Variants in RAPGEF6 observed in about 807,000 individuals in gnomAD.
RAPGEF6 encodes PDZ domain containing guanine nucleotide exchange factor (GEF) 2.
In RAPGEF6, 56 loss-of-function variants were observed where a neutral mutation model predicts 171.4. The ratio of observed to expected loss-of-function variants is 0.33; its 90% CI spans 0.26 to 0.41. The LOEUF (loss-of-function observed/expected upper bound fraction) is 0.41. Ranked by LOEUF, RAPGEF6 falls within the 10% of genes least tolerant of loss-of-function variation. The pLI is 1.00. For missense variants in RAPGEF6, 1,674 were observed against 1,921.4 expected (o/e 0.87, Z 2.41); for synonymous variants, 692 against 650.1 (o/e 1.06, Z -0.98).
In RAPGEF6 at chr5:131,498,568, GTTC is replaced by G. The variant is rs1561512891; in HGVS notation, c.1291_1293del (p.Glu431del). The G allele has an allele frequency of 1.9e-6, 3 of 1,613,720 alleles. No homozygotes were observed. Among genetic ancestry groups the G allele is most frequent in the Admixed American group, 3.3e-5 (2 of 59,988 alleles). ...ATATAAGTTGGATCCACGATGGAATGTTCTTCTATTAAATGCATTATGAGACGC... is the reference window on the plus strand; with the variant it reads ...ATATAAGTTGGATCCACGATGGAATGTTCTATTAAATGCATTATGAGACGC... On this transcript the variant is annotated inframe_deletion, in exon 12 of 28. Transcript: ENST00000509018.
intron 1 of RAPGEF6, among the ~76,000 whole-genome samples, chr5:131,630,296 A>G (rs1467007618): frequency 6.6e-6 from 1 of 152,236 alleles, no homozygotes; most frequent in East Asian, 1.9e-4. Context: ...AAGTATTTTT[A>G]AATTAAGGCA....
At chr5:131,598,068 A>G (rs1764006004) in intron 3 of RAPGEF6, among the ~76,000 whole-genome samples, 1 of 152,186 alleles carries the variant, frequency 6.6e-6, no homozygotes, top group Non-Finnish European at 1.5e-5. Context: ...CCAACAGAAA[A>G]AAAACCTGCT....
intron 1 of RAPGEF6, among the ~76,000 whole-genome samples, chr5:131,605,443 GTAAC>G (rs1252316447): frequency 1.3e-5 from 2 of 152,144 alleles, no homozygotes; most frequent in African/African-American, 4.8e-5. Context: ...GTATACATAT[GTAAC>G]TAACCTGCAC....
chr5:131,426,209 C>A lies in RAPGEF6; in HGVS notation c.*1057G>T, dbSNP rs773388977. 6.6e-6 allele frequency: 1 copy of A among 152,268 alleles called. No individual in the cohort carries two copies. The highest frequency in any genetic ancestry group is 1.5e-5 in the Non-Finnish European group (1 of 68,034). The allele number at this position is 152,268 out of a possible 1,614,324, so 9.4% of individuals were successfully genotyped here. A position where few individuals can be genotyped will look rare whatever the true frequency, so the allele number is the denominator to read the frequency against. On this transcript the variant is annotated 3_prime_UTR_variant, in exon 28 of 28. Coordinates refer to ENST00000509018, the MANE Select transcript of RAPGEF6 (RefSeq NM_016340.6). ...GCTGCAGGGTATGTCAGGTCAGACA[C>A]AACCTGGTGCTATGAGATGTGGGGG... is the stretch of plus-strand genomic sequence containing the variant.
At chr5:131,601,153 G>A (rs555769680) in intron 3 of RAPGEF6, among the ~76,000 whole-genome samples, 1 of 151,674 alleles carries the variant, frequency 6.6e-6, no homozygotes, top group South Asian at 2.1e-4. Flanking sequence ...GGAGGCCGAG[G>A]CGGGTGGATC....
At chr5:131,540,794 G>A (rs75759949) in intron 6 of RAPGEF6, among the ~76,000 whole-genome samples, 33 of 152,310 alleles carry the variant, frequency 2.2e-4, no homozygotes, top group Admixed American at 5.2e-4. Context: ...TGACCTTGGT[G>A]AAACCAAGAT....
intron 23 of RAPGEF6, 46 bp downstream of exon 23, chr5:131,442,303 T>G (rs1245351979): frequency 1.3e-6 from 2 of 1,520,570 alleles, no homozygotes; most frequent in African/African-American, 2.8e-5. Context: ...CTAACTCCCC[T>G]GGAAATTTCA....
chr5:131,438,459 T>C (rs969811257), intron 24 of RAPGEF6, among the ~76,000 whole-genome samples: 7 of 152,176 alleles, frequency 4.6e-5, no homozygotes, highest in African/African-American at 1.7e-4. Context: ...TCTGGAAGCT[T>C]CTCTCTCCTG....
rs1754613093 is a variant in RAPGEF6 at position 131,469,687 on chromosome 5, A to G, written c.2239+2900T>C. ...AATACTGGCTACCTTCTAAGTGGAA[A>G]GAAAAGTTGTGCTTACTACTTCATT... On this transcript the variant is annotated intron_variant, in intron 17 of 27. Coordinates refer to ENST00000509018, the MANE Select transcript of RAPGEF6 (RefSeq NM_016340.6). 3 of 735,614 alleles carry G rather than the reference A, an allele frequency of 4.1e-6. No individual in the cohort carries two copies. In the South Asian group the frequency reaches 8.1e-5, roughly 20 times the overall value. 45.6% of individuals were successfully genotyped at this position (735,614 alleles called of 1,614,324 possible).
chr5:131,578,462 T>A (rs1260834447), intron 4 of RAPGEF6, among the ~76,000 whole-genome samples: 2 of 152,184 alleles, frequency 1.3e-5, no homozygotes, highest in Non-Finnish European at 2.9e-5. Flanking sequence ...CCTGAGGAAC[T>A]TCTTTACTTT....
At chr5:131,619,046 A>G (rs959575483) in intron 1 of RAPGEF6, among the ~76,000 whole-genome samples, 5 of 141,788 alleles carry the variant, frequency 3.5e-5, no homozygotes, top group Non-Finnish European at 3.1e-5. Context: ...TCATGAAAGG[A>G]AAAAAAAAAA....
Position 131,635,111 on chromosome 5 carries a change from C to A in RAPGEF6, c.-81G>T. ...TCACACTAGGTAGCGGGTGCGGTAC[C>A]TTTCCCCCGCCCCAAGGAGGGAACT... On this transcript the variant is annotated 5_prime_UTR_variant, in exon 1 of 28. It adds an upstream start codon to the 5' untranslated region. Coordinates refer to ENST00000509018, the MANE Select transcript of RAPGEF6 (RefSeq NM_016340.6). 7.2e-7 allele frequency: 1 copy of A among 1,385,150 alleles called. No individual in the cohort carries two copies. Among genetic ancestry groups the A allele is most frequent in the Non-Finnish European group, 9.7e-7 (1 of 1,035,094 alleles). 85.8% of individuals were successfully genotyped at this position (1,385,150 alleles called of 1,614,324 possible). A position where few individuals can be genotyped will look rare whatever the true frequency, so the allele number is the denominator to read the frequency against.
At chr5:131,540,976 G>A (rs1760097686) in intron 6 of RAPGEF6, among the ~76,000 whole-genome samples, 2 of 152,066 alleles carry the variant, frequency 1.3e-5, no homozygotes, top group African/African-American at 2.4e-5. Flanking sequence ...GCAAGACTCC[G>A]TCTCAAAAAA....
At position 131,521,397 on chromosome 5, in the gene RAPGEF6, A is replaced by G; in HGVS notation, c.620T>C (p.Ile207Thr). Residue 207 changes from isoleucine (I) to threonine (T), a missense_variant, in exon 7 of 28, where the codon ATC becomes ACC. Physicochemically the swap from Ile to Thr is moderately conservative, Grantham distance 89. Coordinates refer to ENST00000509018, the MANE Select transcript of RAPGEF6 (RefSeq NM_016340.6). ...AAATTCCTAAGGTATTACCTGATAG[A>G]TATCAGATAAACTGCTGCTTCCAGA... is the stretch of plus-strand genomic sequence containing the variant. ...SDSGSSSLSDIYQATESEVGD... is the reference protein window; with the variant it reads ...SDSGSSSLSDTYQATESEVGD... The G allele has an allele frequency of 1.9e-6, 3 of 1,606,740 alleles. No individual in the cohort carries two copies. The highest frequency in any genetic ancestry group is 2.5e-6 in the Non-Finnish European group (3 of 1,176,940).
intron 6 of RAPGEF6, among the ~76,000 whole-genome samples, chr5:131,537,841 C>G (rs1032807640): frequency 2.6e-5 from 4 of 152,002 alleles, no homozygotes; most frequent in African/African-American, 9.7e-5. Context: ...CATCTGTAAT[C>G]CCAACAGTTT....
chr5:131,606,029 CAAAAAAAAAAA>C (rs1168486376), intron 1 of RAPGEF6, among the ~76,000 whole-genome samples: 7 of 70,556 alleles, frequency 9.9e-5, no homozygotes, highest in Admixed American at 1.6e-4. Context: ...GACTCCATCT[CAAAAAAAAAAA>C]AAAAAAAAAA....
At chr5:131,517,839 T>C (rs961678267) in intron 7 of RAPGEF6, among the ~76,000 whole-genome samples, 10 of 150,936 alleles carry the variant, frequency 6.6e-5, no homozygotes, top group African/African-American at 2.4e-4. Context: ...TAGTTAGACA[T>C]TTCTCTTACC....
intron 1 of RAPGEF6, among the ~76,000 whole-genome samples, chr5:131,619,457 TTAAAGTA>T (rs1188475971): frequency 6.6e-6 from 1 of 152,206 alleles, no homozygotes; most frequent in East Asian, 1.9e-4. Flanking sequence ...ATCTGAGAAC[TTAAAGTA>T]TAATTTTAAA....
At chr5:131,441,226 T>A (rs940681273) in intron 23 of RAPGEF6, among the ~76,000 whole-genome samples, 1 of 152,210 alleles carries the variant, frequency 6.6e-6, no homozygotes, top group African/African-American at 2.4e-5. Flanking sequence ...GCTTCCTTTG[T>A]AGAATGAGGG....
Sources: gnomAD v4.1 joint callset for allele counts (sites outside exome capture counted in the v4.1 genomes callset) on GRCh38, gnomAD v4.1.1 for gene constraint, MANE v1.5 for transcripts, NCBI Gene and HGNC (gene_info 2026-07-23, HGNC 2026-07-21) for gene names.